The following RAB11FIP4 variants were observed in gnomAD, a reference collection of about 807,000 sequenced individuals.
RAB11FIP4 encodes RAB11 family interacting protein 4.
RAB11FIP4 carries 23 observed loss-of-function variants against 74.3 expected under a neutral mutation model. The ratio of observed to expected loss-of-function variants is 0.31; its 90% CI spans 0.22 to 0.44. The LOEUF is 0.44. Among genes scored for constraint, RAB11FIP4 ranks in the 20% least tolerant of loss-of-function variants. RAB11FIP4 has a pLI of 1.00. For missense variants in RAB11FIP4, 630 were observed against 863.9 expected, an observed-to-expected ratio of 0.73 and a Z score of 3.39; for synonymous variants, 360 against 359.9, an observed-to-expected ratio of 1.00 and a Z score of 0.00.
rs182270237 is a variant in RAB11FIP4 at position 31,516,556 on chromosome 17, G to A, written c.337-1095G>A. ...GCTATCTTGGCTCACCGCAAGCTCC[G>A]CCTCCTAGGTTCACGCCATTCTCCT... is the stretch of plus-strand genomic sequence containing the variant. On this transcript the variant is annotated intron_variant, in intron 3 of 14. Coordinates refer to ENST00000621161, the MANE Select transcript of RAB11FIP4 (RefSeq NM_032932.6). 5.7e-3 allele frequency among the ~76,000 whole-genome samples: 874 copies of A among 152,330 alleles called. 1 individual carries two copies. Among genetic ancestry groups the A allele is most frequent in the Non-Finnish European group, 8.5e-3 (581 of 68,028 alleles).
At chr17:31,445,569 T>C (rs1294808350) in intron 3 of RAB11FIP4, among the ~76,000 whole-genome samples, 11 of 12,070 alleles carry the variant, frequency 9.1e-4, no homozygotes, top group Non-Finnish European at 1.5e-3. Flanking sequence ...TATATATATA[T>C]ATATATATAT....
intron 5 of RAB11FIP4, 88 bp downstream of exon 5, chr17:31,521,448 T>C: frequency 8.5e-7 from 1 of 1,179,562 alleles, no homozygotes; most frequent in Non-Finnish European, 1.2e-6. Context: ...GTGCGAGTCC[T>C]GAGCTGGCCC....
chr17:31,480,586 G>A (rs903695433), intron 3 of RAB11FIP4, among the ~76,000 whole-genome samples: 9 of 151,922 alleles, frequency 5.9e-5, no homozygotes, highest in South Asian at 4.2e-4. Flanking sequence ...TCAGGAGATC[G>A]AGACCACCCT....
chr17:31,409,786 C>T (rs1237926854), intron 1 of RAB11FIP4, among the ~76,000 whole-genome samples: 2 of 152,152 alleles, frequency 1.3e-5, no homozygotes, highest in African/African-American at 4.8e-5. Context: ...GTTACTTAAC[C>T]GACTGGGTGA....
rs142035896 is a variant in RAB11FIP4, at chr17:31,402,598, T to TTATTTTTA, written c.159+10588_159+10589insATTTTTAT. Among the ~76,000 whole-genome samples, 827 of 142,790 alleles carry TTATTTTTA rather than the reference T, an allele frequency of 5.8e-3. 7 individuals are homozygous for TTATTTTTA. The highest frequency in any genetic ancestry group is 0.012 in the African/African-American group (478 of 38,312). 93.7% of individuals were successfully genotyped at this position (142,790 alleles called of 152,430 possible). A position where few individuals can be genotyped will look rare whatever the true frequency, so the allele number is the denominator to read the frequency against. On this transcript the variant is annotated intron_variant, in intron 1 of 14. Coordinates refer to ENST00000621161, the MANE Select transcript of RAB11FIP4 (RefSeq NM_032932.6). Reference sequence around the variant, plus strand: ...TGAAGGCTCAGATTATTTTATTTATTTTTATTTATTTATTTATTTATTTAT... The same window carrying TTATTTTTA: ...TGAAGGCTCAGATTATTTTATTTATTTATTTTTATTTATTTATTTATTTATTTATTTAT...
chr17:31,512,604 A>C lies in RAB11FIP4; in HGVS notation c.337-5047A>C, dbSNP rs557736162. On this transcript the variant is annotated intron_variant, in intron 3 of 14. Coordinates refer to ENST00000621161, the MANE Select transcript of RAB11FIP4 (RefSeq NM_032932.6). This position sits in a 1 kb window ranked among gnomAD's most constrained non-coding sequence, Gnocchi z 4.1. ...TGGCTGGCCCTGTGTCCCAGGGTAC[A>C]GGGAGCTGTGAGCTCAGGGCTGGCT... Among the ~76,000 whole-genome samples, 5 of 152,290 alleles carry C rather than the reference A, an allele frequency of 3.3e-5. No homozygotes were observed. The highest frequency in any genetic ancestry group is 1.9e-4 in the East Asian group (1 of 5,180).
chr17:31,486,992 G>GCA (rs2071910821), intron 3 of RAB11FIP4, among the ~76,000 whole-genome samples: 1 of 152,218 alleles, frequency 6.6e-6, no homozygotes, highest in Non-Finnish European at 1.5e-5. Context: ...ATGTGTGGGT[G>GCA]TGGGTGGGTG....
chr17:31,531,448 T>C (rs1454008520), intron 14 of RAB11FIP4, among the ~76,000 whole-genome samples, 168 bp from the exon 15 acceptor site: 1 of 152,188 alleles, frequency 6.6e-6, no homozygotes, highest in East Asian at 1.9e-4. Flanking sequence ...CCACTTCGAC[T>C]CTGGTCCTGG....
chr17:31,522,585 C>T, intron 7 of RAB11FIP4, 190 bp downstream of exon 7: 1 of 588,508 alleles, frequency 1.7e-6, no homozygotes, highest in East Asian at 2.9e-5. Flanking sequence ...CAGCTCCTCC[C>T]TGCTCTCTCC....
rs2072789921 is a variant in RAB11FIP4 at position 31,527,631 on chromosome 17, ATTTTGCTTACAAATAG to A, written c.1275-209_1275-194del. On this transcript the variant is annotated intron_variant, in intron 10 of 14. Coordinates refer to ENST00000621161, the MANE Select transcript of RAB11FIP4 (RefSeq NM_032932.6). Reference sequence around the variant, plus strand: ...AAGAAAATAAGAATGATAATTTACTATTTTGCTTACAAATAGTCCTTACTATTTTGCTTTGGCTGAT... The same window carrying A: ...AAGAAAATAAGAATGATAATTTACTATCCTTACTATTTTGCTTTGGCTGAT... 9.1e-5 allele frequency: 5 copies of A among 54,980 alleles called. No homozygotes were observed. The East Asian group carries it at 3.9e-3, about 43-fold the overall frequency. 3.4% of individuals were successfully genotyped at this position (54,980 alleles called of 1,614,324 possible). A position where few individuals can be genotyped will look rare whatever the true frequency, so the allele number is the denominator to read the frequency against.
chr17:31,393,047 G>T (rs1033306388), intron 1 of RAB11FIP4, among the ~76,000 whole-genome samples: 6 of 152,226 alleles, frequency 3.9e-5, no homozygotes, highest in African/African-American at 1.4e-4. Context: ...GGTTGGGCCC[G>T]TGCCTCTGCG....
At chr17:31,392,332 C>T (rs898004778) in intron 1 of RAB11FIP4, 1 of 211,920 alleles carries the variant, frequency 4.7e-6, no homozygotes, top group African/African-American at 2.3e-5. Flanking sequence ...GAGAGAGCTG[C>T]CAGAATCCGG....
At chr17:31,492,935 C>T (rs76585552) in intron 3 of RAB11FIP4, among the ~76,000 whole-genome samples, 23,947 of 151,922 alleles carry the variant, frequency 0.16, 2,067 homozygotes, top group South Asian at 0.28. Flanking sequence ...TTCACTTTTT[C>T]GCATGACCTG....
chr17:31,396,181 C>T (rs1215226276), intron 1 of RAB11FIP4, among the ~76,000 whole-genome samples: 1 of 79,490 alleles, frequency 1.3e-5, no homozygotes, highest in Non-Finnish European at 2.8e-5. Flanking sequence ...GAGACCCTGC[C>T]ACAAAAAAAA....
chr17:31,415,270 G>T (rs1313704210), intron 1 of RAB11FIP4, among the ~76,000 whole-genome samples: 1 of 152,242 alleles, frequency 6.6e-6, no homozygotes, highest in Non-Finnish European at 1.5e-5. Context: ...GGCCCAGGGG[G>T]CGCTCTACGT....
At position 31,403,500 on chromosome 17, in the gene RAB11FIP4, T is replaced by C. The variant is rs2151616054; in HGVS notation, c.159+11489T>C. On this transcript the variant is annotated intron_variant, in intron 1 of 14. Transcript: ENST00000621161. ...ACCACACCCAGCTAATTTTTTGTAT[T>C]TTTAGTAGAAACGGGGTTTCACCAT... Among the ~76,000 whole-genome samples the C allele has an allele frequency of 1.3e-5, 2 of 152,100 alleles. 1 individual carries two copies. Among genetic ancestry groups the C allele is most frequent in the South Asian group, 4.2e-4 (2 of 4,812 alleles).
intron 3 of RAB11FIP4, among the ~76,000 whole-genome samples, chr17:31,516,817 T>C (rs1470000938): frequency 6.6e-6 from 1 of 152,204 alleles, no homozygotes; most frequent in Non-Finnish European, 1.5e-5. Context: ...GGCCCAAGCA[T>C]AGGGGATCAA....
At chr17:31,530,012 G>T (rs1477309895) in intron 13 of RAB11FIP4, among the ~76,000 whole-genome samples, 1 of 152,186 alleles carries the variant, frequency 6.6e-6, no homozygotes, top group East Asian at 1.9e-4. Context: ...GGGCTGCTGG[G>T]TGGGTGATGT....
chr17:31,502,456 G>A (rs908175238), intron 3 of RAB11FIP4, among the ~76,000 whole-genome samples: 1 of 152,018 alleles, frequency 6.6e-6, no homozygotes, highest in Admixed American at 6.6e-5. Flanking sequence ...GTGGGCACCT[G>A]TAATCCCAGC....
Sources: allele counts gnomAD v4.1 joint callset (sites outside exome capture counted in the v4.1 genomes callset), GRCh38; gene constraint gnomAD v4.1.1; non-coding constraint Gnocchi (gnomAD v3.1); transcripts MANE v1.5; gene names NCBI Gene and HGNC (gene_info 2026-07-23, HGNC 2026-07-21).